WNT4: variants seen among roughly 807,000 people sequenced by gnomAD.
WNT4 encodes the protein Wnt family member 4, also known as protein Wnt-4.
Under a neutral mutation model 34.5 loss-of-function variants are expected in WNT4, and 16 were observed. The ratio of observed to expected loss-of-function variants is 0.46; its 90% confidence interval spans 0.31 to 0.70. WNT4 has a LOEUF of 0.70. Among genes scored for constraint, WNT4 ranks in the 30% least tolerant of loss-of-function variants. The probability of loss-of-function intolerance (pLI) is 0.04; values close to 1 mark genes in which losing one functional copy is unlikely to be tolerated. For synonymous variants in WNT4, 200 were observed against 211.9 expected (o/e 0.94, Z 0.49); for missense variants, 379 against 495.9 (o/e 0.76, Z 2.24).
At chr1:22,120,715 T>A (rs1282685304) in intron 4 of WNT4, among the ~76,000 whole-genome samples, 198 bp from the exon 5 acceptor site, 1 of 152,212 alleles carries the variant, frequency 6.6e-6, no homozygotes, top group African/African-American at 2.4e-5. Context: ...GTACTGTCCC[T>A]GCACTTGGGG....
intron 2 of WNT4, chr1:22,127,441 T>C (rs753723152): frequency 1.9e-6 from 1 of 533,362 alleles, no homozygotes; most frequent in Non-Finnish European, 3.8e-6. Context: ...TTTCTGTCAG[T>C]AGATGACATC....
chr1:22,138,358 G>A (rs1399847261), intron 1 of WNT4, among the ~76,000 whole-genome samples: 1 of 152,008 alleles, frequency 6.6e-6, no homozygotes, highest in Non-Finnish European at 1.5e-5. Flanking sequence ...GGTAATGGTT[G>A]TGAAAGATCT....
chr1:22,126,981 C>G (rs1346054840), intron 2 of WNT4: 1 of 323,672 alleles, frequency 3.1e-6, no homozygotes, highest in Non-Finnish European at 6.1e-6. Context: ...GTGCTTCCCT[C>G]TCAGACCTCA....
chr1:22,142,618 C>T lies in WNT4; in HGVS notation c.77+228G>A, dbSNP rs995032178. On this transcript the variant is annotated intron_variant, in intron 1 of 4. Transcript: ENST00000290167. The surrounding 1 kb of genome is among the most constrained non-coding windows in gnomAD (Gnocchi z 6.0). ...CGGTGCGGACGCCGCCACAGCCACC[C>T]CTGACGCCTCTGGGCAGGGAGCCGG... 1.3e-5 allele frequency among the ~76,000 whole-genome samples: 2 copies of T among 151,920 alleles called. No homozygotes were observed. Among genetic ancestry groups the T allele is most frequent in the Non-Finnish European group, 1.5e-5 (1 of 67,934 alleles).
rs1457899175 is a variant in WNT4, at chr1:22,133,993, G to A, written c.78-4142C>T. Among the ~76,000 whole-genome samples, 22 of 152,262 alleles carry A rather than the reference G, an allele frequency of 1.4e-4. 1 individual carries two copies. Among genetic ancestry groups the A allele is most frequent in the Admixed American group, 1.4e-3 (22 of 15,292 alleles). On this transcript the variant is annotated intron_variant, in intron 1 of 4. Transcript: ENST00000290167. ...TAAAAAAAATATACAAATTCCTAGA[G>A]GAAAATCTGCACCTCTGCGACTCCT...
Position 22,140,364 on chromosome 1 carries a change from T to A in WNT4, c.77+2482A>T, listed in dbSNP as rs1165014600. 5.8e-6 allele frequency: 4 copies of A among 694,668 alleles called. No homozygotes were observed. The highest frequency in any genetic ancestry group is 7.1e-6 in the Non-Finnish European group (4 of 564,566). 43.0% of individuals were successfully genotyped at this position (694,668 alleles called of 1,614,324 possible). A position where few individuals can be genotyped will look rare whatever the true frequency, so the allele number is the denominator to read the frequency against. ...CCAATCTTCTCATCTGTAACGGGAT[T>A]GAAACGTTGTTGGGATTTAGATCAT... On this transcript the variant is annotated intron_variant, in intron 1 of 4. Coordinates refer to ENST00000290167, the MANE Select transcript of WNT4 (RefSeq NM_030761.5). The surrounding 1 kb of genome is among the most constrained non-coding windows in gnomAD (Gnocchi z 5.9).
At chr1:22,127,938 T>A (rs1454000742) in intron 2 of WNT4, among the ~76,000 whole-genome samples, 1 of 152,140 alleles carries the variant, frequency 6.6e-6, no homozygotes, top group African/African-American at 2.4e-5. Flanking sequence ...GCCTGCCATA[T>A]GAAACCCTGC....
At position 22,142,593 on chromosome 1, in the gene WNT4, C is replaced by T. The variant is rs1339610041; in HGVS notation, c.77+253G>A. ...CCCTCGAGAGCCCCGAGCCGCCTAC[C>T]GGTGCGGACGCCGCCACAGCCACCC... is the stretch of plus-strand genomic sequence containing the variant. On this transcript the variant is annotated intron_variant, in intron 1 of 4. Coordinates refer to ENST00000290167, the MANE Select transcript of WNT4 (RefSeq NM_030761.5). This position sits in a 1 kb window ranked among gnomAD's most constrained non-coding sequence, Gnocchi z 6.0. 3.9e-5 allele frequency among the ~76,000 whole-genome samples: 6 copies of T among 151,942 alleles called. No individual in the cohort carries two copies. The highest frequency in any genetic ancestry group is 3.3e-4 in the Admixed American group (5 of 15,264).
intron 2 of WNT4, among the ~76,000 whole-genome samples, chr1:22,122,660 G>C (rs1488450322): frequency 2.7e-5 from 4 of 150,632 alleles, no homozygotes; most frequent in Non-Finnish European, 4.4e-5. Flanking sequence ...CTGAGTGTCT[G>C]TGTCCGCAGG....
In WNT4 at chr1:22,139,307, C is replaced by A. The variant is rs545588827; in HGVS notation, c.77+3539G>T. On this transcript the variant is annotated intron_variant, in intron 1 of 4. Coordinates refer to ENST00000290167, the MANE Select transcript of WNT4 (RefSeq NM_030761.5). This position sits in a 1 kb window ranked among gnomAD's most constrained non-coding sequence, Gnocchi z 4.6. ...GCGTGCCTGGCCCAGTGCCAGCTTG[C>A]CACACGCATGGGCTCGCTCTTTCTT... Among the ~76,000 whole-genome samples, 1 of 152,224 alleles carries A rather than the reference C, an allele frequency of 6.6e-6. No individual in the cohort carries two copies. Among genetic ancestry groups the A allele is most frequent in the African/African-American group, 2.4e-5 (1 of 41,452 alleles).
At chr1:22,128,637 C>A (rs992024922) in intron 2 of WNT4, among the ~76,000 whole-genome samples, 2 of 152,206 alleles carry the variant, frequency 1.3e-5, no homozygotes, top group Non-Finnish European at 2.9e-5. Flanking sequence ...TTGATCACAG[C>A]GTCTCCTCAT....
chr1:22,122,644 T>A lies in WNT4; in HGVS notation c.314-1068A>T, dbSNP rs1645910337. 2.6e-5 allele frequency among the ~76,000 whole-genome samples: 4 copies of A among 152,004 alleles called. No homozygotes were observed. The South Asian group carries it at 8.3e-4, about 32-fold the overall frequency. ...TGTACGCTGTGACTGTCCTTCTGTC[T>A]CTTGCCTGAGTGTCTGTGTCCGCAG... On this transcript the variant is annotated intron_variant, in intron 2 of 4. Coordinates refer to ENST00000290167, the MANE Select transcript of WNT4 (RefSeq NM_030761.5).
At position 22,142,527 on chromosome 1, in the gene WNT4, C is replaced by T. The variant is rs191289162; in HGVS notation, c.77+319G>A. On this transcript the variant is annotated intron_variant, in intron 1 of 4. Transcript: ENST00000290167. The surrounding 1 kb of genome is among the most constrained non-coding windows in gnomAD (Gnocchi z 6.0). ...CGGCTGGACTGCAACCCGCGTCCGG[C>T]GCCCCTCCCGGGCCACCGCCCCGCG... Among the ~76,000 whole-genome samples, 1,828 of 152,324 alleles carry T rather than the reference C, an allele frequency of 0.012. 30 individuals carry two copies. Among genetic ancestry groups the T allele is most frequent in the African/African-American group, 0.036 (1,489 of 41,578 alleles).
intron 2 of WNT4, among the ~76,000 whole-genome samples, chr1:22,128,674 C>T (rs745421476): frequency 2.0e-5 from 3 of 152,014 alleles, no homozygotes; most frequent in Non-Finnish European, 2.9e-5. Flanking sequence ...GACCTGGGAG[C>T]GGGACGGCCT....
In WNT4 at chr1:22,121,672, C is replaced by T. The variant is rs976182550; in HGVS notation, c.314-96G>A. The T allele has an allele frequency of 1.9e-6, 3 of 1,547,974 alleles. No individual in the cohort carries two copies. In the African/African-American group the frequency reaches 4.1e-5, roughly 21 times the overall value. On this transcript the variant is annotated intron_variant, in intron 2 of 4. Coordinates refer to ENST00000290167, the MANE Select transcript of WNT4 (RefSeq NM_030761.5). Reference sequence around the variant, plus strand: ...AGGGGCATATGGAGCCTCCTGCTTGCTGGAGGCCAGGAGGGAGCAAGACAG... The same window carrying T: ...AGGGGCATATGGAGCCTCCTGCTTGTTGGAGGCCAGGAGGGAGCAAGACAG...
At position 22,117,918 on chromosome 1, in the gene WNT4, T is replaced by C. The variant is rs1645861795; in HGVS notation, c.*2132A>G. On this transcript the variant is annotated 3_prime_UTR_variant, in exon 5 of 5. Coordinates refer to ENST00000290167, the MANE Select transcript of WNT4 (RefSeq NM_030761.5). Reference sequence around the variant, plus strand: ...AGCCTCTGCTAGTGAGGCATAGTATTTTTTTTGGGCTTAGTAGACAGCTGA... The same window carrying C: ...AGCCTCTGCTAGTGAGGCATAGTATCTTTTTTGGGCTTAGTAGACAGCTGA... The C allele has an allele frequency of 6.6e-6, 1 of 152,150 alleles. No homozygotes were observed. Among genetic ancestry groups the C allele is most frequent in the Non-Finnish European group, 1.5e-5 (1 of 68,026 alleles). The allele number at this position is 152,150 out of a possible 1,614,324, so 9.4% of individuals were successfully genotyped here.
intron 1 of WNT4, among the ~76,000 whole-genome samples, chr1:22,141,441 C>A (rs1456396536): frequency 6.6e-6 from 1 of 152,136 alleles, no homozygotes; most frequent in African/African-American, 2.4e-5. Context: ...CAGCTCCCTC[C>A]CCAGCTCTGT....
intron 1 of WNT4, among the ~76,000 whole-genome samples, chr1:22,136,801 G>T (rs1167777614): frequency 6.6e-6 from 1 of 152,126 alleles, no homozygotes; most frequent in Admixed American, 6.5e-5. Context: ...CTGGCAGGAA[G>T]GTTCCCCAGG....
intron 1 of WNT4, among the ~76,000 whole-genome samples, chr1:22,132,289 A>AGC (rs1645990322): frequency 1.3e-5 from 2 of 152,198 alleles, no homozygotes; most frequent in Non-Finnish European, 2.9e-5. Flanking sequence ...CTGCTCCCAC[A>AGC]GCATGCAGCC....
Sources: gnomAD v4.1 joint callset for allele counts (sites outside exome capture counted in the v4.1 genomes callset) on GRCh38, gnomAD v4.1.1 for gene constraint, Gnocchi (gnomAD v3.1) non-coding constraint, MANE v1.5 for transcripts, NCBI Gene and HGNC (gene_info 2026-07-23, HGNC 2026-07-21) for gene names.